CDH4: variants seen among roughly 807,000 people sequenced by gnomAD.
CDH4 encodes the protein cadherin-4.
In CDH4, 33 loss-of-function variants were observed where a neutral mutation model predicts 86.0. That is an observed-to-expected ratio of 0.38 (90% CI 0.29 to 0.51). The LOEUF (loss-of-function observed/expected upper bound fraction) is 0.51. Among genes scored for constraint, CDH4 ranks in the 20% least tolerant of loss-of-function variants. The pLI, the probability that CDH4 is intolerant of heterozygous loss-of-function variation, is 0.86. For synonymous variants in CDH4, 555 were observed against 549.4 expected, an observed-to-expected ratio of 1.01 and a Z score of -0.14; for missense variants, 1,114 against 1,307.4, an observed-to-expected ratio of 0.85 and a Z score of 2.28.
intron 3 of CDH4, among the ~76,000 whole-genome samples, chr20:61,759,017 ATGTG>A (rs1309361106): frequency 6.6e-6 from 1 of 152,166 alleles, no homozygotes; most frequent in African/African-American, 2.4e-5. Context: ...TTGTGAGTAT[ATGTG>A]TGTGCACATG....
intron 2 of CDH4, among the ~76,000 whole-genome samples, chr20:61,263,838 C>T (rs115244249): frequency 1.2e-4 from 19 of 152,216 alleles, no homozygotes; most frequent in African/African-American, 4.6e-4. Flanking sequence ...AGGGCTCCTG[C>T]ACTCCTTGGC....
At chr20:61,298,663 C>T (rs1411156778) in intron 2 of CDH4, among the ~76,000 whole-genome samples, 1 of 148,106 alleles carries the variant, frequency 6.8e-6, no homozygotes, top group African/African-American at 2.5e-5. Context: ...TGGCACCCAC[C>T]GTACCTTCTA....
At chr20:61,705,084 G>T (rs572805985) in intron 2 of CDH4, among the ~76,000 whole-genome samples, 1 of 152,196 alleles carries the variant, frequency 6.6e-6, no homozygotes, top group African/African-American at 2.4e-5. Context: ...CTTCCCATCC[G>T]CTTTGTCTCG....
chr20:61,286,475 T>C (rs1403204511), intron 2 of CDH4, among the ~76,000 whole-genome samples: 1 of 152,214 alleles, frequency 6.6e-6, no homozygotes, highest in Non-Finnish European at 1.5e-5. Flanking sequence ...GCATGTTCTT[T>C]CCATGCTACT....
intron 2 of CDH4, among the ~76,000 whole-genome samples, chr20:61,550,911 G>A (rs531662670): frequency 1.4e-4 from 21 of 152,344 alleles, no homozygotes; most frequent in South Asian, 6.2e-4. Flanking sequence ...AGGCCAGTGC[G>A]CAGACAGAAT....
intron 3 of CDH4, among the ~76,000 whole-genome samples, chr20:61,759,550 C>T (rs534797675): frequency 1.3e-5 from 2 of 152,326 alleles, no homozygotes; most frequent in African/African-American, 4.8e-5. Flanking sequence ...ATGGCACCGA[C>T]CATCTTTCTC....
At chr20:61,358,851 T>TCC (rs2084768271) in intron 2 of CDH4, among the ~76,000 whole-genome samples, 1 of 152,034 alleles carries the variant, frequency 6.6e-6, no homozygotes, top group Non-Finnish European at 1.5e-5. Flanking sequence ...CCGTTCCCTC[T>TCC]ACAGGGAGCC....
chr20:61,854,088 C>T (rs1205202366), intron 6 of CDH4, among the ~76,000 whole-genome samples: 1 of 152,182 alleles, frequency 6.6e-6, no homozygotes, highest in Non-Finnish European at 1.5e-5. Flanking sequence ...AGCAACCACA[C>T]CCCTGGCCAG....
In CDH4 at chr20:61,596,470, G is replaced by A. The variant is rs147353273; in HGVS notation, c.170-147093G>A. ...CTGCTGGGTGCATGGGGAGGGCAAT[G>A]GCTCTTATGCAGGTGGAAGCAGCAA... On this transcript the variant is annotated intron_variant, in intron 2 of 15. Coordinates refer to ENST00000614565, the MANE Select transcript of CDH4 (RefSeq NM_001794.5). 1.6e-4 allele frequency among the ~76,000 whole-genome samples: 25 copies of A among 152,312 alleles called. No individual in the cohort carries two copies. In the East Asian group the frequency reaches 4.8e-3, roughly 29 times the overall value.
chr20:61,273,001 G>T (rs1330250763), intron 2 of CDH4, among the ~76,000 whole-genome samples: 1 of 78,048 alleles, frequency 1.3e-5, no homozygotes, highest in Non-Finnish European at 2.5e-5. Flanking sequence ...TGTGCAGTTT[G>T]GGGGAGTATT....
chr20:61,624,615 C>G (rs1047788157), intron 2 of CDH4, among the ~76,000 whole-genome samples: 2 of 152,206 alleles, frequency 1.3e-5, no homozygotes, highest in Admixed American at 1.3e-4. Context: ...TCGAGATCCT[C>G]AGCTTGATGA....
intron 4 of CDH4, among the ~76,000 whole-genome samples, chr20:61,820,597 G>A (rs113262254): frequency 0.018 from 2,776 of 152,368 alleles, 29 homozygotes; most frequent in Middle Eastern, 0.044. Flanking sequence ...GGAGGGGGCA[G>A]GTGGAAGTTG....
At chr20:61,920,576 G>C (rs1264856609) in intron 9 of CDH4, among the ~76,000 whole-genome samples, 1 of 149,772 alleles carries the variant, frequency 6.7e-6, no homozygotes, top group Non-Finnish European at 1.5e-5. Flanking sequence ...GTGTGGAAAT[G>C]TGGTGTGATT....
In CDH4 at chr20:61,729,929, CAG is replaced by C. The variant is rs1428151169; in HGVS notation, c.170-13631_170-13630del. Among the ~76,000 whole-genome samples, 3 of 152,186 alleles carry C rather than the reference CAG, an allele frequency of 2.0e-5. No homozygotes were observed. In the East Asian group the frequency reaches 5.8e-4, roughly 29 times the overall value. On this transcript the variant is annotated intron_variant, in intron 2 of 15. Coordinates refer to ENST00000614565, the MANE Select transcript of CDH4 (RefSeq NM_001794.5). ...AATGGGATTTCTAACATTCCGGAGACAGAGTGTTTTGTTTTCTTTGGAGAAGG... is the reference window on the plus strand; with the variant it reads ...AATGGGATTTCTAACATTCCGGAGACAGTGTTTTGTTTTCTTTGGAGAAGG...
chr20:61,711,263 C>T (rs539357528), intron 2 of CDH4, among the ~76,000 whole-genome samples: 77 of 152,306 alleles, frequency 5.1e-4, no homozygotes, highest in Middle Eastern at 3.4e-3. Context: ...CTTCGCCTTC[C>T]GCCATGATTG....
At chr20:61,522,047 G>A (rs2085873170) in intron 2 of CDH4, among the ~76,000 whole-genome samples, 1 of 152,250 alleles carries the variant, frequency 6.6e-6, no homozygotes, top group Admixed American at 6.5e-5. Flanking sequence ...TGAGAGTGAA[G>A]CTGTGTCCCG....
In CDH4 at chr20:61,937,330, C is replaced by A. The variant is rs1231443690; in HGVS notation, c.*387C>A. On this transcript the variant is annotated 3_prime_UTR_variant, in exon 16 of 16. Coordinates refer to ENST00000614565, the MANE Select transcript of CDH4 (RefSeq NM_001794.5). ...TCAGGAGTGTCTAAAGCAGACAGAC[C>A]GTCCCCACCTTCCCATCCCGAGCGG... is the stretch of plus-strand genomic sequence containing the variant. 6.2e-6 allele frequency: 1 copy of A among 160,602 alleles called. No homozygotes were observed. Among genetic ancestry groups the A allele is most frequent in the African/African-American group, 2.4e-5 (1 of 41,630 alleles). The allele number at this position is 160,602 out of a possible 1,614,324, so 9.9% of individuals were successfully genotyped here.
At chr20:61,873,993 G>A (rs573105217) in intron 7 of CDH4, 93 bp downstream of exon 7, 26 of 1,355,540 alleles carry the variant, frequency 1.9e-5, no homozygotes, top group East Asian at 6.9e-5. Context: ...CAGTGGCGCC[G>A]TCGGGGAGTG....
At chr20:61,356,006 G>A (rs1416397381) in intron 2 of CDH4, among the ~76,000 whole-genome samples, 3 of 152,204 alleles carry the variant, frequency 2.0e-5, no homozygotes, top group Non-Finnish European at 2.9e-5. Context: ...CATGCACTTG[G>A]TTAAAGTTTC....
Sources: gnomAD v4.1 joint callset for allele counts (sites outside exome capture counted in the v4.1 genomes callset) on GRCh38, gnomAD v4.1.1 for gene constraint, MANE v1.5 for transcripts, NCBI Gene and HGNC (gene_info 2026-07-23, HGNC 2026-07-21) for gene names.